The following VWA3B variants were observed in gnomAD, a reference collection of about 807,000 sequenced individuals.
VWA3B encodes von Willebrand factor A domain-containing protein 3B.
VWA3B carries 138 observed loss-of-function variants against 158.3 expected under a neutral mutation model. The observed-to-expected ratio is 0.87, with a 90% CI of 0.76 to 1.00. The LOEUF (loss-of-function observed/expected upper bound fraction) is 1.00. Among genes scored for constraint, VWA3B ranks in the 50% least tolerant of loss-of-function variants. VWA3B has a pLI of 0.00. For missense variants in VWA3B, 1,555 were observed against 1,565.1 expected (o/e 0.99, Z 0.11); for synonymous variants, 596 against 587.3 (o/e 1.01, Z -0.21).
chr2:98,142,187 G>A (rs1676826254), intron 7 of VWA3B, among the ~76,000 whole-genome samples: 1 of 152,078 alleles, frequency 6.6e-6, no homozygotes, highest in African/African-American at 2.4e-5. Flanking sequence ...CCTTGTCCCT[G>A]CCTTATTGCC....
chr2:98,145,620 C>T (rs1034172113), intron 7 of VWA3B, among the ~76,000 whole-genome samples: 3 of 152,116 alleles, frequency 2.0e-5, no homozygotes, highest in African/African-American at 4.8e-5. Flanking sequence ...TTTCTGCCTG[C>T]GTTCACCCTC....
chr2:98,264,701 GGTTCTCCACAT>G (rs1687687565), intron 21 of VWA3B, among the ~76,000 whole-genome samples: 1 of 152,172 alleles, frequency 6.6e-6, no homozygotes, highest in East Asian at 1.9e-4. Flanking sequence ...TTTGGTGGAG[GGTTCTCCACAT>G]GTTGGTTAGG....
chr2:98,311,009 G>A (rs969722336), intron 26 of VWA3B, among the ~76,000 whole-genome samples: 28 of 152,168 alleles, frequency 1.8e-4, no homozygotes, highest in African/African-American at 6.0e-4. Flanking sequence ...AAAAGGATCC[G>A]AAGCAGTAAT....
chr2:98,241,557 G>A (rs1686074755), intron 19 of VWA3B, among the ~76,000 whole-genome samples: 1 of 151,836 alleles, frequency 6.6e-6, no homozygotes, highest in Non-Finnish European at 1.5e-5. Context: ...ACGATGTGGG[G>A]CTGAGAGAGA....
At chr2:98,181,324 C>A in intron 9 of VWA3B, 112 bp downstream of exon 9, 3 of 1,185,184 alleles carry the variant, frequency 2.5e-6, no homozygotes, top group Non-Finnish European at 3.6e-6. Flanking sequence ...GAGAAACCAG[C>A]TTGGGTTTCT....
At chr2:98,298,818 G>A (rs1459407005) in intron 24 of VWA3B, among the ~76,000 whole-genome samples, 1 of 152,252 alleles carries the variant, frequency 6.6e-6, no homozygotes, top group African/African-American at 2.4e-5. Flanking sequence ...AAAGATTTCT[G>A]GGTTTTAAGT....
intron 22 of VWA3B, among the ~76,000 whole-genome samples, chr2:98,274,424 A>G (rs1688397169): frequency 6.6e-6 from 1 of 152,162 alleles, no homozygotes; most frequent in Admixed American, 6.5e-5. Context: ...AGATGGGGAA[A>G]AGTGACCTGA....
intron 14 of VWA3B, among the ~76,000 whole-genome samples, chr2:98,219,168 C>A (rs765712389): frequency 2.0e-5 from 3 of 152,080 alleles, no homozygotes; most frequent in Non-Finnish European, 4.4e-5. Context: ...AAAATACAGA[C>A]CCATAATGAG....
intron 13 of VWA3B, among the ~76,000 whole-genome samples, chr2:98,213,069 G>T (rs552253114): frequency 1.3e-5 from 2 of 152,324 alleles, no homozygotes; most frequent in East Asian, 3.9e-4. Context: ...GTCAGGGCAG[G>T]TTCCAGCGAG....
chr2:98,199,518 G>T (rs370573124), intron 12 of VWA3B, among the ~76,000 whole-genome samples: 1 of 152,098 alleles, frequency 6.6e-6, no homozygotes, highest in African/African-American at 2.4e-5. Context: ...CCCAATTTCC[G>T]CAGGGTGAAA....
rs945551603 is a variant in VWA3B at position 98,108,560 on chromosome 2, A to G, written c.197-7092A>G. Among the ~76,000 whole-genome samples the G allele has an allele frequency of 2.0e-5, 3 of 152,288 alleles. No homozygotes were observed. The East Asian group carries it at 5.8e-4, about 29-fold the overall frequency. ...TGATACATACACATTTAGGATTGCTATGTCTTTCTGGTGGATTGACACCTT... is the reference window on the plus strand; with the variant it reads ...TGATACATACACATTTAGGATTGCTGTGTCTTTCTGGTGGATTGACACCTT... On this transcript the variant is annotated intron_variant, in intron 2 of 27. Coordinates refer to ENST00000477737, the MANE Select transcript of VWA3B (RefSeq NM_144992.5).
chr2:98,179,263 G>A, intron 8 of VWA3B: 1 of 471,134 alleles, frequency 2.1e-6, no homozygotes, highest in South Asian at 1.5e-5. Flanking sequence ...CAAGTTTCGA[G>A]TCATCTGGAA....
rs1253087936 is a variant in VWA3B at position 98,194,459 on chromosome 2, G to A, written c.1704G>A (p.Leu568=). The A allele has an allele frequency of 1.2e-6, 2 of 1,614,058 alleles. No homozygotes were observed. The highest frequency in any genetic ancestry group is 1.1e-5 in the South Asian group (1 of 91,062). Residue 568 remains leucine (L), a synonymous_variant, in exon 12 of 28, where the codon TTG becomes TTA. Coordinates refer to ENST00000477737, the MANE Select transcript of VWA3B (RefSeq NM_144992.5). ...TTGCTGAAGTCAATGAAGATAATTTGGAACAGGCTCAGTCCTGGATTAGAG... is the reference window on the plus strand; with the variant it reads ...TTGCTGAAGTCAATGAAGATAATTTAGAACAGGCTCAGTCCTGGATTAGAG... ...EQLAEVNEDN[L]EQAQSWIRDI...
At chr2:98,150,969 T>C (rs2105166500) in intron 7 of VWA3B, among the ~76,000 whole-genome samples, 1 of 152,358 alleles carries the variant, frequency 6.6e-6, no homozygotes, top group Non-Finnish European at 1.5e-5. Context: ...GCATATATCT[T>C]GCACTTGAGG....
intron 12 of VWA3B, among the ~76,000 whole-genome samples, chr2:98,208,372 T>C (rs928882227): frequency 6.6e-6 from 1 of 152,110 alleles, no homozygotes; most frequent in Non-Finnish European, 1.5e-5. Context: ...TTATTCATAT[T>C]TAAGGATTAA....
intron 7 of VWA3B, among the ~76,000 whole-genome samples, chr2:98,139,159 G>A (rs1170098064): frequency 1.3e-5 from 2 of 152,232 alleles, no homozygotes; most frequent in African/African-American, 4.8e-5. Context: ...CAGCAGCTGC[G>A]GAGGGTGTAC....
chr2:98,107,914 T>C (rs1185846369), intron 2 of VWA3B, among the ~76,000 whole-genome samples: 2 of 151,922 alleles, frequency 1.3e-5, no homozygotes, highest in African/African-American at 4.8e-5. Context: ...TTTGGGTTTA[T>C]TTTGCTTTTC....
chr2:98,177,324 G>A (rs1362359824), intron 8 of VWA3B, among the ~76,000 whole-genome samples: 1 of 152,174 alleles, frequency 6.6e-6, no homozygotes, highest in Admixed American at 6.5e-5. Flanking sequence ...AATCTGTCCT[G>A]TGGAATAGGA....
At chr2:98,256,265 A>G in intron 21 of VWA3B, 91 bp downstream of exon 21, 1 of 1,367,396 alleles carries the variant, frequency 7.3e-7, no homozygotes, top group Non-Finnish European at 9.9e-7. Flanking sequence ...ATGCAGAGGT[A>G]TTTAAAATAT....
Sources: allele counts gnomAD v4.1 joint callset (sites outside exome capture counted in the v4.1 genomes callset), GRCh38; gene constraint gnomAD v4.1.1; transcripts MANE v1.5; gene names NCBI Gene and HGNC (gene_info 2026-07-23, HGNC 2026-07-21).